Variants in ZPBP observed in about 807,000 individuals in gnomAD.
The protein encoded by ZPBP is zona pellucida-binding protein 1.
ZPBP carries 26 observed loss-of-function variants against 44.8 expected under a neutral mutation model. That is an observed-to-expected ratio of 0.58 (90% CI 0.43 to 0.81). The LOEUF is 0.81. ZPBP is among the 30% of genes least tolerant of loss of function. The pLI, the probability that ZPBP is intolerant of heterozygous loss-of-function variation, is 0.00. For missense variants in ZPBP, 409 were observed against 434.0 expected (o/e 0.94, Z 0.51); for synonymous variants, 174 against 153.2 (o/e 1.14, Z -1.00).
chr7:49,882,864 TTTGTTGTTGTTG>T (rs201572339), intron 2 of ZPBP, among the ~76,000 whole-genome samples: 1 of 151,898 alleles, frequency 6.6e-6, no homozygotes, highest in Non-Finnish European at 1.5e-5. Context: ...TTTTTTTGTT[TTTGTTGTTGTTG>T]TTGTTGTTGT....
At chr7:50,073,924 G>C (rs1801961173) in intron 3 of ZPBP, among the ~76,000 whole-genome samples, 1 of 151,976 alleles carries the variant, frequency 6.6e-6, no homozygotes, top group South Asian at 2.1e-4. Context: ...CAGTTAGAAA[G>C]AAAAGAAAAT....
intron 4 of ZPBP, among the ~76,000 whole-genome samples, chr7:50,047,996 G>C (rs1334081784): frequency 6.6e-6 from 1 of 152,182 alleles, no homozygotes; most frequent in Non-Finnish European, 1.5e-5. Flanking sequence ...AATTGCAGAT[G>C]CAAGTACCAG....
At chr7:50,075,320 A>G (rs1802028263) in intron 3 of ZPBP, among the ~76,000 whole-genome samples, 1 of 151,884 alleles carries the variant, frequency 6.6e-6, no homozygotes, top group Non-Finnish European at 1.5e-5. Context: ...CATTGAAAAA[A>G]GGGGAAAAAC....
chr7:50,089,757 T>C, intron 1 of ZPBP, 48 bp from the exon 2 acceptor site: 1 of 1,391,648 alleles, frequency 7.2e-7, no homozygotes, highest in Non-Finnish European at 1.0e-6. Flanking sequence ...TATTCTAAAA[T>C]ATTCAAATAT....
intron 4 of ZPBP, among the ~76,000 whole-genome samples, chr7:50,031,615 C>T (rs1039231721): frequency 6.6e-6 from 1 of 152,096 alleles, no homozygotes; most frequent in African/African-American, 2.4e-5. Context: ...GCTATCAAAA[C>T]TAAGATTCTA....
chr7:49,849,460 G>T (rs777712765), downstream of ZPBP, among the ~76,000 whole-genome samples: 1 of 152,168 alleles, frequency 6.6e-6, no homozygotes, highest in Non-Finnish European at 1.5e-5. Context: ...AAGGGTCCTC[G>T]CGGGTCTCTG....
At chr7:49,842,687 A>G in the ZPBP span, among the ~76,000 whole-genome samples, 1 of 152,238 alleles carries the variant, frequency 6.6e-6, no homozygotes, top group African/African-American at 2.4e-5. Context: ...ATGGGAGATA[A>G]TGCAATAATT....
At chr7:49,912,654 GA>G (rs1407502504) in intron 1 of ZPBP, 1 of 152,654 alleles carries the variant, frequency 6.6e-6, no homozygotes, top group East Asian at 1.9e-4. Context: ...AAGATATTAG[GA>G]CCAATTTCCA....
At chr7:49,969,633 G>T (rs1178131430) in intron 7 of ZPBP, among the ~76,000 whole-genome samples, 1 of 151,604 alleles carries the variant, frequency 6.6e-6, no homozygotes, top group East Asian at 1.9e-4. Flanking sequence ...GATTAGAAAA[G>T]TATGAGAAAA....
At chr7:49,889,895 C>T (rs1314012950) in intron 2 of ZPBP, among the ~76,000 whole-genome samples, 1 of 152,108 alleles carries the variant, frequency 6.6e-6, no homozygotes, top group African/African-American at 2.4e-5. Context: ...CATGTTAGAT[C>T]CCACTGAAAA....
chr7:49,920,506 A>C (rs931263), intron 1 of ZPBP: 118,535 of 152,096 alleles, frequency 0.78, 46,386 homozygotes, highest in East Asian at 0.89. Context: ...CATTGTTGGC[A>C]AGAAATTCCT....
At chr7:49,859,277 C>T (rs944203315) in intron 2 of ZPBP, among the ~76,000 whole-genome samples, 5 of 152,064 alleles carry the variant, frequency 3.3e-5, no homozygotes, top group African/African-American at 1.2e-4. Flanking sequence ...TTTGTGGTAT[C>T]TTTTGAAGGA....
intron 2 of ZPBP, among the ~76,000 whole-genome samples, chr7:49,852,844 C>T (rs937514801): frequency 3.3e-5 from 5 of 152,244 alleles, no homozygotes; most frequent in African/African-American, 1.2e-4. Flanking sequence ...CATCTAGTGA[C>T]TGGCTCCTTG....
At chr7:50,053,296 T>G (rs1295253442) in intron 4 of ZPBP, among the ~76,000 whole-genome samples, 1 of 152,202 alleles carries the variant, frequency 6.6e-6, no homozygotes, top group Non-Finnish European at 1.5e-5. Flanking sequence ...TTAACTTGCC[T>G]TTTCAGGACC....
intron 7 of ZPBP, among the ~76,000 whole-genome samples, chr7:49,937,994 T>C (rs1329515189): frequency 1.3e-5 from 2 of 152,222 alleles, no homozygotes; most frequent in African/African-American, 4.8e-5. Context: ...TATGAGAATC[T>C]AATGCCATTG....
At chr7:50,000,759 C>T (rs758299167) in intron 6 of ZPBP, among the ~76,000 whole-genome samples, 7 of 152,060 alleles carry the variant, frequency 4.6e-5, no homozygotes, top group Non-Finnish European at 1.0e-4. Flanking sequence ...ATAAATTGTT[C>T]TTTATATTTT....
At chr7:49,840,811 T>G in the ZPBP span, among the ~76,000 whole-genome samples, 6 of 152,168 alleles carry the variant, frequency 3.9e-5, no homozygotes. Context: ...AGGTTCGCAG[T>G]GAGTCAAGCC....
At chr7:49,881,313 G>C (rs1464622222) in intron 2 of ZPBP, among the ~76,000 whole-genome samples, 1 of 152,052 alleles carries the variant, frequency 6.6e-6, no homozygotes, top group Admixed American at 6.6e-5. Flanking sequence ...GCCTATAAGA[G>C]ACTCCACCCA....
chr7:50,009,510 C>T (rs1798474594), intron 6 of ZPBP, among the ~76,000 whole-genome samples: 1 of 151,880 alleles, frequency 6.6e-6, no homozygotes, highest in Non-Finnish European at 1.5e-5. Flanking sequence ...AAGCTCCTAC[C>T]ACAAGGCCTC....
Sources: allele counts gnomAD v4.1 joint callset (sites outside exome capture counted in the v4.1 genomes callset), GRCh38; gene constraint gnomAD v4.1.1; transcripts MANE v1.5; gene names NCBI Gene and HGNC (gene_info 2026-07-23, HGNC 2026-07-21).